Variants in PTPN3 observed in about 807,000 individuals in gnomAD.
The protein encoded by PTPN3 is protein tyrosine phosphatase non-receptor type 3.
Under a neutral mutation model 132.7 loss-of-function variants are expected in PTPN3, and 96 were observed. That is an observed-to-expected ratio of 0.72 (90% CI 0.61 to 0.86). The LOEUF (loss-of-function observed/expected upper bound fraction) is 0.86, where lower values mean the gene tolerates loss of function less well. Among genes scored for constraint, PTPN3 ranks in the 40% least tolerant of loss-of-function variants. The pLI, the probability that PTPN3 is intolerant of heterozygous loss-of-function variation, is 0.00. For missense variants in PTPN3, 1,125 were observed against 1,159.6 expected (o/e 0.97, Z 0.43); for synonymous variants, 398 against 429.0 (o/e 0.93, Z 0.89).
intron 1 of PTPN3, among the ~76,000 whole-genome samples, chr9:109,482,045 T>G (rs569880829): frequency 2.6e-5 from 4 of 152,318 alleles, no homozygotes; most frequent in African/African-American, 9.6e-5. Context: ...CATAGGCGCT[T>G]AAGAAATGTG....
chr9:109,431,287 C>T (rs756130752), intron 10 of PTPN3, among the ~76,000 whole-genome samples: 1 of 152,218 alleles, frequency 6.6e-6, no homozygotes, highest in South Asian at 2.1e-4. Context: ...TTGTGGGACC[C>T]ACATCTTCTC....
intron 1 of PTPN3, among the ~76,000 whole-genome samples, chr9:109,482,103 T>A (rs780772596): frequency 1.1e-4 from 17 of 152,264 alleles, no homozygotes; most frequent in Non-Finnish European, 1.9e-4. Flanking sequence ...GCGCAGGGAT[T>A]ACACCTGCAC....
intron 22 of PTPN3, among the ~76,000 whole-genome samples, chr9:109,384,163 C>CAGT (rs1839363918): frequency 6.6e-6 from 1 of 152,094 alleles, no homozygotes. Flanking sequence ...CGTGGGTGTG[C>CAGT]AGTACTTAGC....
chr9:109,453,633 G>A (rs1429391148), intron 5 of PTPN3, among the ~76,000 whole-genome samples: 2 of 152,126 alleles, frequency 1.3e-5, no homozygotes, highest in Non-Finnish European at 2.9e-5. Context: ...CATATTTCCT[G>A]TACTTGCTGA....
chr9:109,405,400 C>T (rs1449623460), intron 18 of PTPN3, among the ~76,000 whole-genome samples: 1 of 152,126 alleles, frequency 6.6e-6, no homozygotes, highest in Non-Finnish European at 1.5e-5. Flanking sequence ...CAGGCAGAGA[C>T]GCAGGGCTTT....
intron 1 of PTPN3, among the ~76,000 whole-genome samples, chr9:109,478,559 T>C (rs899041394): frequency 2.0e-5 from 3 of 152,140 alleles, no homozygotes; most frequent in Admixed American, 1.3e-4. Flanking sequence ...CGAAGAGCCC[T>C]GAGTTAGGGC....
At chr9:109,427,768 C>T (rs561771355) in intron 11 of PTPN3, among the ~76,000 whole-genome samples, 2 of 152,314 alleles carry the variant, frequency 1.3e-5, no homozygotes, top group Admixed American at 1.3e-4. Flanking sequence ...TAAGAGTTCA[C>T]GGCTCTGTGA....
chr9:109,475,167 G>C (rs1461764680), intron 1 of PTPN3, among the ~76,000 whole-genome samples: 1 of 152,146 alleles, frequency 6.6e-6, no homozygotes, highest in Non-Finnish European at 1.5e-5. Flanking sequence ...GAAGCTGGAT[G>C]AGACCCTTGG....
At chr9:109,508,645 G>A in the PTPN3 span, among the ~76,000 whole-genome samples, 3 of 152,160 alleles carry the variant, frequency 2.0e-5, no homozygotes, top group Non-Finnish European at 4.4e-5. Context: ...GAGCAAGAAG[G>A]GTGATGTTGT....
the PTPN3 span, among the ~76,000 whole-genome samples, chr9:109,516,853 AGAGC>A: frequency 6.6e-6 from 1 of 152,170 alleles, no homozygotes; most frequent in African/African-American, 2.4e-5. Context: ...GAAGAATGGG[AGAGC>A]TCCCAGGTTT....
At chr9:109,465,038 T>C (rs1313109511) in intron 1 of PTPN3, among the ~76,000 whole-genome samples, 1 of 152,264 alleles carries the variant, frequency 6.6e-6, no homozygotes, top group Non-Finnish European at 1.5e-5. Context: ...TCTACATTTA[T>C]GATTTGTGTA....
intron 5 of PTPN3, among the ~76,000 whole-genome samples, chr9:109,452,260 CCG>C: frequency 8.0e-6 from 1 of 125,266 alleles, no homozygotes; most frequent in South Asian, 2.7e-4. Flanking sequence ...AGAGCGAGCT[CCG>C]TCTCAAAAAA....
chr9:109,393,854 A>T (rs571468566), intron 19 of PTPN3, among the ~76,000 whole-genome samples: 8 of 152,296 alleles, frequency 5.3e-5, no homozygotes, highest in Admixed American at 1.3e-4. Flanking sequence ...TTCTCTTACT[A>T]AATAAATAAA....
rs377434799 is a variant in PTPN3, at chr9:109,426,947, C to G, written c.1001+3G>C. 4 of 1,607,724 alleles carry G rather than the reference C, an allele frequency of 2.5e-6. No homozygotes were observed. Among genetic ancestry groups the G allele is most frequent in the Non-Finnish European group, 3.4e-6 (4 of 1,174,476 alleles). On this transcript the variant is annotated splice_donor_region_variant and intron_variant, in intron 12 of 25. Transcript: ENST00000374541. Reference sequence around the variant, plus strand: ...GTGGACACAGTCTTTACAGCACACTCACTTTTTGGTGTTCCGAGAGCCCAT... The same window carrying G: ...GTGGACACAGTCTTTACAGCACACTGACTTTTTGGTGTTCCGAGAGCCCAT...
chr9:109,451,385 T>A, intron 5 of PTPN3: 1 of 970,160 alleles, frequency 1.0e-6, no homozygotes. Flanking sequence ...ACCACCCTTC[T>A]TAAGATGGAA....
At chr9:109,436,759 C>A in intron 9 of PTPN3, 124 bp downstream of exon 9, 3 of 1,366,330 alleles carry the variant, frequency 2.2e-6, no homozygotes, top group Non-Finnish European at 2.9e-6. Flanking sequence ...ATAAACCTTC[C>A]AAATATCTTT....
the PTPN3 span, among the ~76,000 whole-genome samples, chr9:109,517,587 G>C: frequency 1.3e-5 from 2 of 152,194 alleles, no homozygotes; most frequent in African/African-American, 4.8e-5. Context: ...ATTTGATTTA[G>C]GTCTAGTTTG....
intron 21 of PTPN3, among the ~76,000 whole-genome samples, chr9:109,390,743 AGAG>A (rs1055262930): frequency 6.6e-5 from 10 of 152,164 alleles, no homozygotes; most frequent in African/African-American, 2.2e-4. Context: ...TTATATGTAC[AGAG>A]GAGGTTTTAT....
intron 7 of PTPN3, 126 bp from the exon 8 acceptor site, chr9:109,438,360 A>G (rs1400422678): frequency 9.8e-7 from 1 of 1,019,252 alleles, no homozygotes; most frequent in African/African-American, 1.6e-5. Flanking sequence ...TAAGTTCTAC[A>G]CCACATGAAC....
Sources: allele counts gnomAD v4.1 joint callset (sites outside exome capture counted in the v4.1 genomes callset), GRCh38; gene constraint gnomAD v4.1.1; transcripts MANE v1.5; gene names NCBI Gene and HGNC (gene_info 2026-07-23, HGNC 2026-07-21).